The following ZBED4 variants were observed in gnomAD, a reference collection of about 807,000 sequenced individuals.
The protein encoded by ZBED4 is zinc finger BED domain-containing protein 4.
A neutral mutation model predicts 15.5 loss-of-function variants in ZBED4; 4 were observed. That is an observed-to-expected ratio of 0.26 (90% confidence interval 0.13 to 0.59). ZBED4 has a LOEUF of 0.59. Among genes scored for constraint, ZBED4 ranks in the 20% least tolerant of loss-of-function variants. The probability of loss-of-function intolerance (pLI) is 0.90; values close to 1 mark genes in which losing one functional copy is unlikely to be tolerated. For synonymous variants in ZBED4, 692 were observed against 608.5 expected, an observed-to-expected ratio of 1.14 and a Z score of -2.02; for missense variants, 1,323 against 1,461.8, an observed-to-expected ratio of 0.91 and a Z score of 1.55.
In ZBED4 at chr22:49,885,344, C is replaced by A; in HGVS notation, c.1682C>A (p.Ser561Ter). The A allele has an allele frequency of 6.3e-7, 1 of 1,589,656 alleles. No individual in the cohort carries two copies. Residue 561 changes from serine to a stop codon, truncating the protein, a stop_gained, in exon 2 of 2, where the codon TCG becomes TAG. Coordinates refer to ENST00000216268, the MANE Select transcript of ZBED4 (RefSeq NM_014838.3). LOFTEE classifies it high-confidence loss of function. ...TTTCCTGTTAATAGCAAAAAGACCT[C>A]GAAGCTGTGGAATCATTTTTCTATT... ...VMFPVNSKKT[S>*]KLWNHFSICS... is the part of the protein sequence containing the mutation.
Position 49,883,742 on chromosome 22 carries a change from A to G in ZBED4, c.80A>G (p.Glu27Gly), listed in dbSNP as rs759131604. 2 of 1,612,220 alleles carry G rather than the reference A, an allele frequency of 1.2e-6. No homozygotes were observed. The highest frequency in any genetic ancestry group is 3.3e-5 in the Admixed American group (2 of 59,812). ...SDKIKFKIEE[E>G]DDDGIPPDSL... ...AAAATAAAGTTTAAAATAGAAGAGG[A>G]AGATGATGATGGAATTCCTCCTGAT... The change falls in exon 2 of 2, where the codon GAA becomes GGA. Residue 27 changes from glutamate (E) to glycine (G), a missense_variant. Physicochemically the swap from Glu to Gly is moderately conservative, Grantham distance 98. Coordinates refer to ENST00000216268, the MANE Select transcript of ZBED4 (RefSeq NM_014838.3).
Position 49,887,313 on chromosome 22 carries a change from CCA to C in ZBED4, c.*138_*139del, listed in dbSNP as rs1468037169. The C allele has an allele frequency of 1.1e-6, 1 of 941,588 alleles. No homozygotes were observed. The highest frequency in any genetic ancestry group is 1.8e-5 in the South Asian group (1 of 55,500). 58.3% of individuals were successfully genotyped at this position (941,588 alleles called of 1,614,324 possible). The stretch of plus-strand genomic sequence containing the variant: ...ACTCTCAGGGCCGCTCTCCAGCTCA[CCA>C]CAGTGTCTCCACGTGCCTTACCCCT... On this transcript the variant is annotated 3_prime_UTR_variant, in exon 2 of 2. Transcript: ENST00000216268.
At chr22:49,855,066 T>G (rs891691698) in intron 1 of ZBED4, among the ~76,000 whole-genome samples, 2 of 152,214 alleles carry the variant, frequency 1.3e-5, no homozygotes, top group Admixed American at 1.3e-4. Context: ...ACAAAGTTAC[T>G]TTGCAAGAGG....
rs1228822344 is a variant in ZBED4, at chr22:49,885,172, C to T, written c.1510C>T (p.Arg504Cys). ...CTGCCTGATGAGACATCTCTACCGG[C>T]GCCATCCAGAAGTTGTCGGGAGCCA... ...TSCLMRHLYR[R>C]HPEVVGSQKG... The change falls in exon 2 of 2, where the codon CGC becomes TGC. Residue 504 changes from arginine (R) to cysteine (C), a missense_variant. Coordinates refer to ENST00000216268, the MANE Select transcript of ZBED4 (RefSeq NM_014838.3). 8.7e-6 allele frequency: 14 copies of T among 1,613,960 alleles called. No individual in the cohort carries two copies. Among genetic ancestry groups the T allele is most frequent in the South Asian group, 2.2e-5 (2 of 91,076 alleles).
intron 1 of ZBED4, among the ~76,000 whole-genome samples, chr22:49,858,315 G>A (rs1490084459): frequency 6.6e-6 from 1 of 152,186 alleles, no homozygotes; most frequent in African/African-American, 2.4e-5. Flanking sequence ...CCCCAGAATA[G>A]GTGAAGGCTA....
rs149516364 is a variant in ZBED4, at chr22:49,886,092, C to T, written c.2430C>T (p.Asn810=). 1.8e-3 allele frequency: 1,234 copies of T among 680,536 alleles called. 9 individuals are homozygous for T. The African/African-American group carries it at 0.018, about 10-fold the overall frequency. The allele number at this position is 680,536 out of a possible 1,614,324, so 42.2% of individuals were successfully genotyped here. A position where few individuals can be genotyped will look rare whatever the true frequency, so the allele number is the denominator to read the frequency against. Residue 810 remains asparagine (N), a synonymous_variant, in exon 2 of 2, where the codon AAC becomes AAT. Coordinates refer to ENST00000216268, the MANE Select transcript of ZBED4 (RefSeq NM_014838.3). The surrounding 1 kb of genome is among the most constrained non-coding windows in gnomAD (Gnocchi z 7.7). ...GLQVGITVTD[N]ASIGKTLNEG... is the part of the protein sequence containing the mutation. ...AGGTGGGCATCACCGTCACCGACAA[C>T]GCCAGCATCGGGAAGACGCTGAACG...
At chr22:49,857,010 C>T (rs907502277) in intron 1 of ZBED4, among the ~76,000 whole-genome samples, 1 of 152,198 alleles carries the variant, frequency 6.6e-6, no homozygotes, top group African/African-American at 2.4e-5. Flanking sequence ...CTGCTGCAGC[C>T]CCCTACCTGA....
At position 49,884,205 on chromosome 22, in the gene ZBED4, G is replaced by A. The variant is rs146482955; in HGVS notation, c.543G>A (p.Ser181=). The change falls in exon 2 of 2, where the codon TCG becomes TCA. Residue 181 remains serine, a synonymous_variant. Transcript: ENST00000216268. ...ATGGCAGTGTGTCTGCCGTGTCCTC[G>A]TTCCCCTCTCCCTCACTCCTGCTTC... ...QENGSVSAVS[S]FPSPSLLLPP... The A allele has an allele frequency of 1.6e-5, 25 of 1,606,148 alleles. No individual in the cohort carries two copies. The highest frequency in any genetic ancestry group is 1.1e-4 in the African/African-American group (8 of 74,774).
intron 1 of ZBED4, among the ~76,000 whole-genome samples, chr22:49,882,163 C>G (rs990559235): frequency 6.6e-6 from 1 of 152,176 alleles, no homozygotes; most frequent in Non-Finnish European, 1.5e-5. Context: ...CCATGCTGAC[C>G]AGGCTAGGGA....
chr22:49,886,446 G>A lies in ZBED4; in HGVS notation c.2784G>A (p.Glu928=). ...FRELISCDQW[E]VMQSVCRALK... ...AGCTGATCAGCTGCGACCAGTGGGAGGTCATGCAGTCCGTGTGCCGTGCGC... is the reference window on the plus strand; with the variant it reads ...AGCTGATCAGCTGCGACCAGTGGGAAGTCATGCAGTCCGTGTGCCGTGCGC... Residue 928 remains glutamate, a synonymous_variant, in exon 2 of 2, where the codon GAG becomes GAA. Transcript: ENST00000216268. This position sits in a 1 kb window ranked among gnomAD's most constrained non-coding sequence, Gnocchi z 7.7. 1 of 1,577,234 alleles carries A rather than the reference G, an allele frequency of 6.3e-7. No homozygotes were observed. The highest frequency in any genetic ancestry group is 8.6e-7 in the Non-Finnish European group (1 of 1,158,098).
chr22:49,886,668 C>T lies in ZBED4; in HGVS notation c.3006C>T (p.Tyr1002=), dbSNP rs745358314. 21 of 1,609,978 alleles carry T rather than the reference C, an allele frequency of 1.3e-5. No individual in the cohort carries two copies. Among genetic ancestry groups the T allele is most frequent in the Admixed American group, 8.4e-5 (5 of 59,502 alleles). ...CTGCCACCCTCCACGACCCGCGGTA[C>T]GTCTTCGCCACGCTGCTGGATCCTC... ...RLSATLHDPR[Y]VFATLLDPRY... is the part of the protein sequence containing the mutation. Residue 1002 remains tyrosine, a synonymous_variant, in exon 2 of 2, where the codon TAC becomes TAT. Transcript: ENST00000216268. This position sits in a 1 kb window ranked among gnomAD's most constrained non-coding sequence, Gnocchi z 7.7.
rs1285116098 is a variant in ZBED4 at position 49,888,147 on chromosome 22, G to T, written c.*969G>T. The stretch of plus-strand genomic sequence containing the variant: ...TAGTGTTTAGATTTTTTTATGATAG[G>T]GAAGATGCGGCCATCACTGGGATAT... On this transcript the variant is annotated 3_prime_UTR_variant, in exon 2 of 2. Coordinates refer to ENST00000216268, the MANE Select transcript of ZBED4 (RefSeq NM_014838.3). 1.8e-5 allele frequency: 3 copies of T among 167,102 alleles called. No homozygotes were observed. The highest frequency in any genetic ancestry group is 2.9e-5 in the Non-Finnish European group (2 of 68,110). The allele number at this position is 167,102 out of a possible 1,614,324, so 10.4% of individuals were successfully genotyped here. A position where few individuals can be genotyped will look rare whatever the true frequency, so the allele number is the denominator to read the frequency against.
At chr22:49,853,289 G>C (rs1252374596), upstream of ZBED4, 1 of 152,582 alleles carries the variant, frequency 6.6e-6, no homozygotes, top group Admixed American at 6.5e-5. Context: ...CCGCCGACCC[G>C]GCTTGGGGCT....
intron 1 of ZBED4, among the ~76,000 whole-genome samples, chr22:49,867,111 C>T (rs1286848001): frequency 2.6e-5 from 4 of 152,298 alleles, no homozygotes; most frequent in South Asian, 2.1e-4. Context: ...TTTTTATTGT[C>T]GTTCAGTTGA....
intron 1 of ZBED4, among the ~76,000 whole-genome samples, chr22:49,855,537 C>G (rs773210674): frequency 2.6e-5 from 4 of 152,126 alleles, no homozygotes; most frequent in South Asian, 4.2e-4. Context: ...GGACTGACTT[C>G]TGTGTGTGTG....
At chr22:49,867,933 C>T (rs1027334508) in intron 1 of ZBED4, among the ~76,000 whole-genome samples, 1 of 152,206 alleles carries the variant, frequency 6.6e-6, no homozygotes, top group African/African-American at 2.4e-5. Context: ...CCTGTTTTGT[C>T]ATAAAGTGTT....
chr22:49,862,491 G>A (rs1279613742), intron 1 of ZBED4, among the ~76,000 whole-genome samples: 12 of 152,026 alleles, frequency 7.9e-5, no homozygotes, highest in Non-Finnish European at 1.5e-4. Flanking sequence ...AGTGTCTAGC[G>A]TAATGAGTCA....
chr22:49,883,472 C>G lies in ZBED4; in HGVS notation c.-191C>G. On this transcript the variant is annotated 5_prime_UTR_variant, in exon 2 of 2. It adds an upstream start codon to the 5' untranslated region. Transcript: ENST00000216268. ...AGCAGGACTCTTGGAAAGCAGTGAT[C>G]TATGCTGTAAGACCATGAGTCACAG... 2 of 721,082 alleles carry G rather than the reference C, an allele frequency of 2.8e-6. No homozygotes were observed. The highest frequency in any genetic ancestry group is 4.2e-6 in the Non-Finnish European group (2 of 478,746). 44.7% of individuals were successfully genotyped at this position (721,082 alleles called of 1,614,324 possible).
At chr22:49,855,947 A>G (rs1399351341) in intron 1 of ZBED4, among the ~76,000 whole-genome samples, 1 of 152,152 alleles carries the variant, frequency 6.6e-6, no homozygotes, top group African/African-American at 2.4e-5. Flanking sequence ...TTAGCCCGTG[A>G]CACCCCTTAG....
Sources: allele counts gnomAD v4.1 joint callset (sites outside exome capture counted in the v4.1 genomes callset), GRCh38; gene constraint gnomAD v4.1.1; non-coding constraint Gnocchi (gnomAD v3.1); transcripts MANE v1.5; gene names NCBI Gene and HGNC (gene_info 2026-07-23, HGNC 2026-07-21).